Variants in ANKRD12 observed in about 807,000 individuals in gnomAD.
The protein encoded by ANKRD12 is ankyrin repeat domain 12.
A neutral mutation model predicts 183.4 loss-of-function variants in ANKRD12; 85 were observed. The ratio of observed to expected loss-of-function variants is 0.46; its 90% CI spans 0.39 to 0.56. The LOEUF is 0.56. Ranked by LOEUF, ANKRD12 falls within the 20% of genes least tolerant of loss-of-function variation. The pLI is 0.00. For synonymous variants in ANKRD12, 914 were observed against 800.2 expected, an observed-to-expected ratio of 1.14 and a Z score of -2.40; for missense variants, 2,405 against 2,357.1, an observed-to-expected ratio of 1.02 and a Z score of -0.42.
chr18:9,180,633 A>C (rs541208862), intron 1 of ANKRD12, among the ~76,000 whole-genome samples: 94 of 152,294 alleles, frequency 6.2e-4, no homozygotes, highest in African/African-American at 2.2e-3. Flanking sequence ...TAGGGATTAC[A>C]GTATACATCT....
intron 1 of ANKRD12, among the ~76,000 whole-genome samples, chr18:9,156,712 A>T (rs1177878557): frequency 6.6e-6 from 1 of 152,188 alleles, no homozygotes; most frequent in Non-Finnish European, 1.5e-5. Context: ...GAAGGTAGAA[A>T]CAGCCCAATA....
In ANKRD12 at chr18:9,226,229, G is replaced by A. The variant is rs185919353; in HGVS notation, c.943+4230G>A. Among the ~76,000 whole-genome samples the A allele has an allele frequency of 5.0e-4, 76 of 152,174 alleles. 1 individual carries two copies. The East Asian group carries it at 0.013, about 25-fold the overall frequency. ...ACCTGAGGTCAGGAGTTCAAGACTA[G>A]CCTGGGCAACATGATGAAACCCCAT... is the stretch of plus-strand genomic sequence containing the variant. On this transcript the variant is annotated intron_variant, in intron 8 of 12. Transcript: ENST00000262126.
intron 8 of ANKRD12, among the ~76,000 whole-genome samples, chr18:9,250,557 A>G (rs1202029088): frequency 4.6e-5 from 7 of 152,106 alleles, no homozygotes; most frequent in Non-Finnish European, 7.4e-5. Flanking sequence ...CATCTCCACA[A>G]AAAAAGAAGA....
chr18:9,193,099 C>T (rs2034556968), intron 2 of ANKRD12, among the ~76,000 whole-genome samples: 1 of 149,330 alleles, frequency 6.7e-6, no homozygotes, highest in Non-Finnish European at 1.5e-5. Context: ...TTTTTACAGG[C>T]TGTAAGTTTT....
At chr18:9,222,729 G>A (rs1170785538) in intron 8 of ANKRD12, among the ~76,000 whole-genome samples, 3 of 152,166 alleles carry the variant, frequency 2.0e-5, no homozygotes, top group Non-Finnish European at 4.4e-5. Context: ...GCCATTGCCA[G>A]AAGGCAATGG....
intron 8 of ANKRD12, among the ~76,000 whole-genome samples, chr18:9,247,005 A>G (rs1598680784): frequency 2.0e-5 from 3 of 152,356 alleles, no homozygotes; most frequent in Admixed American, 1.3e-4. Flanking sequence ...TGCTGTTAGC[A>G]TGTAACTGGA....
chr18:9,220,869 G>T (rs934834413), intron 7 of ANKRD12, among the ~76,000 whole-genome samples: 1 of 152,134 alleles, frequency 6.6e-6, no homozygotes, highest in African/African-American at 2.4e-5. Flanking sequence ...ACCATCATTG[G>T]TTTAGATCTT....
rs755238174 is a variant in ANKRD12, at chr18:9,257,972, A to G, written c.4705A>G (p.Ile1569Val). The G allele has an allele frequency of 1.9e-6, 3 of 1,613,824 alleles. No individual in the cohort carries two copies. Among genetic ancestry groups the G allele is most frequent in the South Asian group, 2.2e-5 (2 of 91,084 alleles). ...TGTCCCAGTGTACTCTGACAGCACT[A>G]TTCAAGAAGCATCACCAAACTTTGA... is the stretch of plus-strand genomic sequence containing the variant. ...AFVPVYSDSTIQEASPNFEKA... is the reference protein window; with the variant it reads ...AFVPVYSDSTVQEASPNFEKA... The change falls in exon 9 of 13, where the codon ATT becomes GTT. Residue 1569 changes from isoleucine (I) to valine (V), a missense_variant. Transcript: ENST00000262126.
In ANKRD12 at chr18:9,254,703, A is replaced by C; in HGVS notation, c.1436A>C (p.Gln479Pro). ...KGKVKRKLKN[Q>P]NKNKENQELK... The stretch of plus-strand genomic sequence containing the variant: ...AAAGTTAAAAGAAAATTGAAAAATC[A>C]GAATAAAAATAAAGAGAACCAAGAG... The change falls in exon 9 of 13, where the codon CAG becomes CCG. Residue 479 changes from glutamine (Q) to proline (P), a missense_variant. Around this residue, in one of 7 missense-constraint regions of ANKRD12, gnomAD observed 1,983 missense variants for 1,725.9 expected, o/e 1.15. Transcript: ENST00000262126. 1 of 1,522,192 alleles carries C rather than the reference A, an allele frequency of 6.6e-7. No individual in the cohort carries two copies. Among genetic ancestry groups the C allele is most frequent in the Non-Finnish European group, 8.8e-7 (1 of 1,138,658 alleles). The allele number at this position is 1,522,192 out of a possible 1,614,324, so 94.3% of individuals were successfully genotyped here. A position where few individuals can be genotyped will look rare whatever the true frequency, so the allele number is the denominator to read the frequency against.
intron 9 of ANKRD12, 120 bp from the exon 10 acceptor site, chr18:9,263,670 T>G (rs1346582763): frequency 1.7e-6 from 1 of 586,840 alleles, no homozygotes; most frequent in Admixed American, 4.1e-5. Flanking sequence ...GCTGTATTAT[T>G]TAATTCACAG....
chr18:9,197,327 C>T (rs2144442556), intron 3 of ANKRD12, among the ~76,000 whole-genome samples: 1 of 152,308 alleles, frequency 6.6e-6, no homozygotes, highest in East Asian at 1.9e-4. Flanking sequence ...TCGCAGCTCT[C>T]TATAAGACTG....
chr18:9,235,680 C>G (rs904127619), intron 8 of ANKRD12: 5 of 456,092 alleles, frequency 1.1e-5, no homozygotes, highest in Admixed American at 9.4e-5. Flanking sequence ...CTCAGCGGAG[C>G]AAGTTGAACT....
At chr18:9,157,568 T>TGG (rs2030732132) in intron 1 of ANKRD12, among the ~76,000 whole-genome samples, 6 of 113,538 alleles carry the variant, frequency 5.3e-5, no homozygotes, top group Admixed American at 2.6e-4. Context: ...TGTGTGTGTG[T>TGG]GTGTGTGTGT....
intron 1 of ANKRD12, among the ~76,000 whole-genome samples, chr18:9,138,467 C>G (rs2078203599): frequency 1.3e-5 from 2 of 152,172 alleles, no homozygotes; most frequent in South Asian, 4.1e-4. Context: ...GAGCCGAGAT[C>G]GTGCCACTGC....
At chr18:9,137,694 A>G (rs1203389572) in intron 1 of ANKRD12, 2 of 152,326 alleles carry the variant, frequency 1.3e-5, no homozygotes, top group Non-Finnish European at 1.5e-5. Flanking sequence ...CTTAAATGCC[A>G]GTGTAAAATA....
intron 1 of ANKRD12, among the ~76,000 whole-genome samples, chr18:9,180,190 C>T (rs183708631): frequency 7.1e-4 from 108 of 152,158 alleles, no homozygotes; most frequent in African/African-American, 2.4e-3. Context: ...TGTATTGACC[C>T]CTTTATCAAT....
chr18:9,138,347 C>T (rs894447262), intron 1 of ANKRD12, among the ~76,000 whole-genome samples: 1 of 152,092 alleles, frequency 6.6e-6, no homozygotes, highest in Non-Finnish European at 1.5e-5. Context: ...ACCCCCGTCT[C>T]TACTAAATAT....
intron 1 of ANKRD12, among the ~76,000 whole-genome samples, chr18:9,165,160 G>A (rs1334216571): frequency 6.6e-6 from 1 of 151,998 alleles, no homozygotes; most frequent in African/African-American, 2.4e-5. Context: ...GATGTCGTTT[G>A]TCTTTTTTTG....
rs2033766549 is a variant in ANKRD12, at chr18:9,182,437, C to T, written c.5C>T (p.Pro2Leu). 6.2e-7 allele frequency: 1 copy of T among 1,608,876 alleles called. No individual in the cohort carries two copies. Among genetic ancestry groups the T allele is most frequent in the African/African-American group, 1.3e-5 (1 of 74,596 alleles). ...AGCTAGCTGAACAGCTGTAAAATGC[C>T]CAAATCTGGGTTCACAAAACCAATT... M[P>L]KSGFTKPIQS... The change falls in exon 2 of 13, where the codon CCC (proline) becomes CTC (leucine). Residue 2 changes from proline (P) to leucine (L), a missense_variant. Coordinates refer to ENST00000262126, the MANE Select transcript of ANKRD12 (RefSeq NM_015208.5).
Sources: gnomAD v4.1 joint callset for allele counts (sites outside exome capture counted in the v4.1 genomes callset) on GRCh38, gnomAD v4.1.1 for gene constraint, gnomAD v4.1.1 regional missense constraint, MANE v1.5 for transcripts, NCBI Gene and HGNC (gene_info 2026-07-23, HGNC 2026-07-21) for gene names.